Variants in ABCG2 observed in about 807,000 individuals in gnomAD.
ABCG2 encodes the protein ATP binding cassette subfamily G member 2 (JR blood group), also known as broad substrate specificity ATP-binding cassette transporter ABCG2.
ABCG2 carries 80 observed loss-of-function variants against 73.5 expected under a neutral mutation model. The ratio of observed to expected loss-of-function variants is 1.09; its 90% CI spans 0.91 to 1.31. ABCG2 has a LOEUF of 1.31. ABCG2 is among the 50% of genes most tolerant of loss of function. ABCG2 has a pLI of 0.00. For synonymous variants in ABCG2, 269 were observed against 282.4 expected, an observed-to-expected ratio of 0.95 and a Z score of 0.48; for missense variants, 796 against 786.2, an observed-to-expected ratio of 1.01 and a Z score of -0.15.
chr4:88,111,559 A>G (rs1246314724), intron 9 of ABCG2, among the ~76,000 whole-genome samples: 1 of 152,166 alleles, frequency 6.6e-6, no homozygotes, highest in Non-Finnish European at 1.5e-5. Context: ...TGGCTTAACT[A>G]GGGATACAAG....
chr4:88,131,363 G>A (rs1489620366), intron 4 of ABCG2, 150 bp from the exon 5 acceptor site: 1 of 812,750 alleles, frequency 1.2e-6, no homozygotes, highest in Non-Finnish European at 1.9e-6. Flanking sequence ...GCAAATGACA[G>A]TTAACTCCAT....
At chr4:88,203,668 C>T (rs1465997322) in intron 1 of ABCG2, among the ~76,000 whole-genome samples, 1 of 150,706 alleles carries the variant, frequency 6.6e-6, no homozygotes, top group African/African-American at 2.4e-5. Context: ...GCAGGAGAAT[C>T]GCTTGAACCC....
chr4:88,216,226 C>T (rs1729806962), intron 1 of ABCG2, among the ~76,000 whole-genome samples: 1 of 152,120 alleles, frequency 6.6e-6, no homozygotes, highest in African/African-American at 2.4e-5. Context: ...ACTTATGAGC[C>T]GTGGCTACTG....
chr4:88,154,762 G>A (rs762346951), intron 1 of ABCG2, among the ~76,000 whole-genome samples: 3 of 152,188 alleles, frequency 2.0e-5, no homozygotes, highest in Admixed American at 1.3e-4. Flanking sequence ...CAAAGAGTGA[G>A]TATAGCTGGA....
intron 2 of ABCG2, among the ~76,000 whole-genome samples, chr4:88,134,113 T>C (rs1725087345): frequency 6.6e-6 from 1 of 152,090 alleles, no homozygotes; most frequent in African/African-American, 2.4e-5. Flanking sequence ...TAAGTTACAA[T>C]ATATTCCACA....
intron 1 of ABCG2, among the ~76,000 whole-genome samples, chr4:88,188,537 T>C (rs776670210): frequency 1.3e-5 from 2 of 152,184 alleles, no homozygotes; most frequent in Admixed American, 6.5e-5. Flanking sequence ...AGATTTAAAA[T>C]CAGGAAGTGT....
chr4:88,136,229 T>C (rs1336940381), intron 2 of ABCG2, among the ~76,000 whole-genome samples: 1 of 152,176 alleles, frequency 6.6e-6, no homozygotes, highest in African/African-American at 2.4e-5. Context: ...AAGTTATGCA[T>C]GTATGTGTAT....
rs188081100 is a variant in ABCG2, at chr4:88,128,125, A to G, written c.531+2936T>C. 1.3e-3 allele frequency among the ~76,000 whole-genome samples: 199 copies of G among 152,312 alleles called. 1 individual carries two copies. Among genetic ancestry groups the G allele is most frequent in the Non-Finnish European group, 2.0e-3 (138 of 68,030 alleles). On this transcript the variant is annotated intron_variant, in intron 5 of 15. Transcript: ENST00000237612. ...AATTGGGCAAAGGATATGAACAGAC[A>G]CTTCTCAAAAGAAGACATTTATGTA... is the stretch of plus-strand genomic sequence containing the variant.
chr4:88,214,993 G>T (rs1729756204), intron 1 of ABCG2, among the ~76,000 whole-genome samples: 1 of 152,034 alleles, frequency 6.6e-6, no homozygotes, highest in African/African-American at 2.4e-5. Flanking sequence ...ATGGGAGGCT[G>T]AGGCAGGAGG....
At chr4:88,195,974 A>G (rs1251676899) in intron 1 of ABCG2, among the ~76,000 whole-genome samples, 11 of 152,140 alleles carry the variant, frequency 7.2e-5, no homozygotes, top group Non-Finnish European at 1.5e-5. Flanking sequence ...AGCTCCTGAG[A>G]TCTTATCAGG....
At chr4:88,220,405 T>C (rs1729972345) in intron 1 of ABCG2, among the ~76,000 whole-genome samples, 1 of 152,246 alleles carries the variant, frequency 6.6e-6, no homozygotes. Context: ...CCACAGTAGC[T>C]ACACCATTTT....
intron 5 of ABCG2, among the ~76,000 whole-genome samples, chr4:88,128,436 G>A (rs1406487813): frequency 6.6e-6 from 1 of 152,110 alleles, no homozygotes; most frequent in African/African-American, 2.4e-5. Flanking sequence ...ATACGCAAAG[G>A]ATTATAAATC....
chr4:88,136,845 G>A (rs550825646), intron 2 of ABCG2, among the ~76,000 whole-genome samples: 9 of 151,916 alleles, frequency 5.9e-5, no homozygotes, highest in Admixed American at 3.3e-4. Context: ...ATGAAACCCC[G>A]TCTTTACTAA....
intron 1 of ABCG2, among the ~76,000 whole-genome samples, chr4:88,144,612 C>T (rs566924219): frequency 1.3e-5 from 2 of 152,046 alleles, no homozygotes; most frequent in African/African-American, 4.8e-5. Flanking sequence ...GATGCCACAA[C>T]GCCCAACTAA....
chr4:88,127,945 C>CAAAA (rs202145272), intron 5 of ABCG2, among the ~76,000 whole-genome samples: 1 of 100,332 alleles, frequency 1.0e-5, no homozygotes. Flanking sequence ...TTCTGCACAG[C>CAAAA]AAAAAAAAAG....
intron 1 of ABCG2, among the ~76,000 whole-genome samples, chr4:88,165,321 A>G (rs574632498): frequency 6.6e-6 from 1 of 152,332 alleles, no homozygotes; most frequent in African/African-American, 2.4e-5. Flanking sequence ...GAAGTCTAAA[A>G]TGGGTCTAGT....
chr4:88,092,498 C>T (rs560921659), intron 15 of ABCG2, 117 bp from the exon 16 acceptor site: 1 of 1,043,852 alleles, frequency 9.6e-7, no homozygotes, highest in East Asian at 2.5e-5. Flanking sequence ...AATAATTACC[C>T]CTTCAGATAT....
chr4:88,121,611 G>T (rs371028766), intron 6 of ABCG2, 24 bp downstream of exon 6: 23 of 1,608,952 alleles, frequency 1.4e-5, no homozygotes, highest in Non-Finnish European at 1.7e-5. Flanking sequence ...ATTAACTAAA[G>T]AATAATGTTT....
At chr4:88,193,162 T>C (rs1445650272) in intron 1 of ABCG2, among the ~76,000 whole-genome samples, 1 of 152,182 alleles carries the variant, frequency 6.6e-6, no homozygotes, top group African/African-American at 2.4e-5. Context: ...GTTTAACATA[T>C]TGGGAACATA....
Sources: allele counts gnomAD v4.1 joint callset (sites outside exome capture counted in the v4.1 genomes callset), GRCh38; gene constraint gnomAD v4.1.1; transcripts MANE v1.5; gene names NCBI Gene and HGNC (gene_info 2026-07-23, HGNC 2026-07-21).